The following EYA2 variants were observed in gnomAD, a reference collection of about 807,000 sequenced individuals.
EYA2 encodes the protein EYA transcriptional coactivator and phosphatase 2, also known as protein phosphatase EYA2.
EYA2 carries 31 observed loss-of-function variants against 69.2 expected under a neutral mutation model. The observed-to-expected ratio is 0.45, with a 90% CI of 0.34 to 0.60. The LOEUF is 0.60. Ranked by LOEUF, EYA2 falls within the 20% of genes least tolerant of loss-of-function variation. EYA2 has a pLI of 0.02. For synonymous variants in EYA2, 257 were observed against 279.4 expected (o/e 0.92, Z 0.80); for missense variants, 622 against 701.2 (o/e 0.89, Z 1.28).
In EYA2 at chr20:47,039,944, G is replaced by A. The variant is rs192124225; in HGVS notation, c.415+23647G>A. 4.0e-3 allele frequency among the ~76,000 whole-genome samples: 569 copies of A among 141,328 alleles called. 5 individuals carry two copies. The highest frequency in any genetic ancestry group is 0.014 in the African/African-American group (534 of 38,416). The allele number at this position is 141,328 out of a possible 152,430, so 92.7% of individuals were successfully genotyped here. A position where few individuals can be genotyped will look rare whatever the true frequency, so the allele number is the denominator to read the frequency against. ...CAACCTCCGCCTCCCAGGTTCAAGC[G>A]GTTCTCCTGCCTCAGCCTCCCGAGT... is the stretch of plus-strand genomic sequence containing the variant. On this transcript the variant is annotated intron_variant, in intron 5 of 15. Transcript: ENST00000327619.
At chr20:47,030,318 C>T (rs1481924362) in intron 5 of EYA2, among the ~76,000 whole-genome samples, 2 of 152,196 alleles carry the variant, frequency 1.3e-5, no homozygotes, top group East Asian at 1.9e-4. Context: ...CCATGAATTT[C>T]CAGGCACCCC....
chr20:47,075,959 G>C (rs1025388115), intron 7 of EYA2, among the ~76,000 whole-genome samples: 1 of 152,102 alleles, frequency 6.6e-6, no homozygotes, highest in Non-Finnish European at 1.5e-5. Context: ...GTGGTATTTG[G>C]TTTTCTGTTC....
intron 1 of EYA2, among the ~76,000 whole-genome samples, chr20:46,952,749 C>T (rs1443108793): frequency 1.3e-5 from 2 of 152,124 alleles, no homozygotes; most frequent in East Asian, 1.9e-4. Flanking sequence ...CACTGGCTTC[C>T]CCGGGGCAGG....
intron 1 of EYA2, among the ~76,000 whole-genome samples, chr20:46,955,048 G>A (rs1235652384): frequency 6.6e-6 from 1 of 152,098 alleles, no homozygotes; most frequent in Non-Finnish European, 1.5e-5. Flanking sequence ...TGATGGGTGA[G>A]CAGAGGAAGG....
intron 1 of EYA2, among the ~76,000 whole-genome samples, chr20:46,967,992 G>T (rs1979895684): frequency 6.6e-6 from 1 of 152,218 alleles, no homozygotes; most frequent in South Asian, 2.1e-4. Context: ...CAAGCCCCTT[G>T]TGATTGGTCT....
At chr20:46,902,061 C>T (rs970917997) in intron 1 of EYA2, among the ~76,000 whole-genome samples, 2 of 152,124 alleles carry the variant, frequency 1.3e-5, no homozygotes, top group African/African-American at 4.8e-5. Flanking sequence ...ATTGCTCAGG[C>T]ACCCACAAGA....
intron 7 of EYA2, among the ~76,000 whole-genome samples, chr20:47,078,327 G>GCACACACACACA (rs1249113834): frequency 0.01 from 797 of 78,052 alleles, 6 homozygotes; most frequent in East Asian, 0.05. Flanking sequence ...GTGCGCGCGC[G>GCACACACACACA]CGCGCACACA....
At chr20:47,060,354 A>G (rs1388979970) in intron 5 of EYA2, among the ~76,000 whole-genome samples, 3 of 152,218 alleles carry the variant, frequency 2.0e-5, no homozygotes, top group African/African-American at 7.2e-5. Context: ...TCATGGCTTC[A>G]TGGCCCAACA....
chr20:47,144,181 C>T (rs1355801756), intron 10 of EYA2, among the ~76,000 whole-genome samples: 1 of 152,048 alleles, frequency 6.6e-6, no homozygotes, highest in Non-Finnish European at 1.5e-5. Context: ...CATGGCGAAA[C>T]CCCGTCTCTA....
chr20:47,021,921 G>A (rs975830441), intron 5 of EYA2, among the ~76,000 whole-genome samples: 7 of 152,016 alleles, frequency 4.6e-5, no homozygotes, highest in African/African-American at 1.7e-4. Context: ...GTGTGACCTT[G>A]GACAAGTCAC....
intron 9 of EYA2, among the ~76,000 whole-genome samples, chr20:47,110,356 C>T (rs574899204): frequency 4.1e-4 from 63 of 152,346 alleles, no homozygotes; most frequent in Non-Finnish European, 5.6e-4. Context: ...ATCCTCTCAG[C>T]TCAGCCTCTT....
intron 6 of EYA2, among the ~76,000 whole-genome samples, chr20:47,073,126 C>T (rs2031377471): frequency 6.6e-6 from 1 of 152,124 alleles, no homozygotes; most frequent in South Asian, 2.1e-4. Flanking sequence ...CACTGACCAC[C>T]CCCGCAACCC....
intron 1 of EYA2, among the ~76,000 whole-genome samples, chr20:46,955,157 A>T (rs1464297319): frequency 8.9e-5 from 12 of 134,106 alleles, no homozygotes; most frequent in African/African-American, 3.0e-4. Context: ...TTTTTTTGAG[A>T]TGGAGTTTCA....
At chr20:46,910,993 C>T (rs879548266) in intron 1 of EYA2, among the ~76,000 whole-genome samples, 4 of 152,224 alleles carry the variant, frequency 2.6e-5, no homozygotes, top group Admixed American at 2.6e-4. Flanking sequence ...CCTATAGTCT[C>T]TCCAACACCG....
chr20:47,023,637 T>TTTG (rs1404234134), intron 5 of EYA2, among the ~76,000 whole-genome samples: 5 of 99,454 alleles, frequency 5.0e-5, no homozygotes, highest in African/African-American at 1.5e-4. Context: ...TGGGTGTTTT[T>TTTG]TTTTTTTTTT....
intron 5 of EYA2, among the ~76,000 whole-genome samples, chr20:47,023,038 T>G (rs1265916936): frequency 2.0e-5 from 3 of 151,992 alleles, no homozygotes; most frequent in Non-Finnish European, 4.4e-5. Flanking sequence ...ATATTCCTTT[T>G]GTAATAAAAA....
chr20:47,023,632 G>GTT (rs60939329), intron 5 of EYA2, among the ~76,000 whole-genome samples: 20,853 of 87,806 alleles, frequency 0.24, 3,319 homozygotes, highest in South Asian at 0.36. Context: ...GATTTTGGGT[G>GTT]TTTTTTTTTT....
intron 1 of EYA2, among the ~76,000 whole-genome samples, chr20:46,945,938 T>TA (rs1294255043): frequency 6.6e-6 from 1 of 152,182 alleles, no homozygotes; most frequent in Non-Finnish European, 1.5e-5. Flanking sequence ...TGTCTCACGC[T>TA]GGCTTGCAGT....
intron 1 of EYA2, among the ~76,000 whole-genome samples, chr20:46,915,067 G>T (rs1233307715): frequency 1.3e-5 from 2 of 152,216 alleles, no homozygotes; most frequent in African/African-American, 4.8e-5. Context: ...CAGGAGGCCA[G>T]TCTGGGGCAA....
Sources: allele counts gnomAD v4.1 joint callset (sites outside exome capture counted in the v4.1 genomes callset), GRCh38; gene constraint gnomAD v4.1.1; transcripts MANE v1.5; gene names NCBI Gene and HGNC (gene_info 2026-07-23, HGNC 2026-07-21).